Variants in SRPK2 observed in about 807,000 individuals in gnomAD.
The protein encoded by SRPK2 is SRSF protein kinase 2.
In SRPK2, 21 loss-of-function variants were observed where a neutral mutation model predicts 90.8. The observed-to-expected ratio is 0.23, with a 90% CI of 0.16 to 0.33. The LOEUF (loss-of-function observed/expected upper bound fraction) is 0.33. Ranked by LOEUF, SRPK2 falls within the 10% of genes least tolerant of loss-of-function variation. The pLI is 1.00. For missense variants in SRPK2, 620 were observed against 869.0 expected (o/e 0.71, Z 3.60); for synonymous variants, 288 against 311.1 (o/e 0.93, Z 0.78).
chr7:105,226,210 C>T (rs566197426), intron 2 of SRPK2, among the ~76,000 whole-genome samples: 11 of 151,730 alleles, frequency 7.2e-5, no homozygotes, highest in Admixed American at 5.9e-4. Context: ...TGATCATATT[C>T]TTCCCAATAA....
At chr7:105,149,427 T>C (rs1584956974) in intron 7 of SRPK2, among the ~76,000 whole-genome samples, 1 of 152,156 alleles carries the variant, frequency 6.6e-6, no homozygotes, top group Non-Finnish European at 1.5e-5. Context: ...CTTCTCCTTA[T>C]TATCACCCTG....
chr7:105,143,334 T>C lies in SRPK2; in HGVS notation c.814-4A>G, dbSNP rs767403887. The C allele has an allele frequency of 4.3e-6, 7 of 1,609,444 alleles. No homozygotes were observed. The highest frequency in any genetic ancestry group is 4.5e-5 in the East Asian group (2 of 44,876). ...TGTTTTTAGATATTTTTCCTATCTA[T>C]GTTAAGGAAAGACCACAGGTCAGTA... is the stretch of plus-strand genomic sequence containing the variant. On this transcript the variant is annotated splice_polypyrimidine_tract_variant and splice_region_variant and intron_variant, in intron 9 of 15. Coordinates refer to ENST00000393651, the MANE Select transcript of SRPK2 (RefSeq NM_182692.3).
intron 8 of SRPK2, 47 bp from the exon 9 acceptor site, chr7:105,145,355 A>G (rs1804445681): frequency 6.9e-7 from 1 of 1,439,192 alleles, no homozygotes; most frequent in Non-Finnish European, 9.6e-7. Context: ...AAACAGACAC[A>G]TGCCTTCATG....
chr7:105,189,799 T>C (rs1794046012), intron 3 of SRPK2: 2 of 152,710 alleles, frequency 1.3e-5, no homozygotes, highest in Non-Finnish European at 2.9e-5. Flanking sequence ...AGGAGTGTGA[T>C]GATGGCATGG....
intron 7 of SRPK2, among the ~76,000 whole-genome samples, chr7:105,147,807 C>T (rs1438362228): frequency 1.3e-5 from 2 of 152,144 alleles, no homozygotes; most frequent in African/African-American, 2.4e-5. Flanking sequence ...ATAATGTTTT[C>T]AAGTTTGACT....
intron 2 of SRPK2, among the ~76,000 whole-genome samples, chr7:105,379,393 T>G (rs1184063041): frequency 6.6e-6 from 1 of 152,138 alleles, no homozygotes; most frequent in East Asian, 1.9e-4. Context: ...ACAAGGGACT[T>G]GAGTATCCTC....
intron 1 of SRPK2, among the ~76,000 whole-genome samples, chr7:105,398,381 C>CA (rs1822386217): frequency 7.4e-6 from 1 of 135,092 alleles, no homozygotes; most frequent in Non-Finnish European, 1.6e-5. Flanking sequence ...ACCCAGCCTC[C>CA]TTTTTTTTTT....
chr7:105,285,985 C>T (rs1808050609), intron 2 of SRPK2, among the ~76,000 whole-genome samples: 1 of 152,198 alleles, frequency 6.6e-6, no homozygotes, highest in Non-Finnish European at 1.5e-5. Flanking sequence ...ATTTGCTTTA[C>T]ATATAATAAT....
At chr7:105,370,685 G>A (rs1819597131) in intron 2 of SRPK2, among the ~76,000 whole-genome samples, 1 of 141,484 alleles carries the variant, frequency 7.1e-6, no homozygotes, top group African/African-American at 2.6e-5. Flanking sequence ...GCACCATCTC[G>A]GCTCACTGCA....
intron 2 of SRPK2, chr7:105,206,556 G>C (rs958588100): frequency 1.3e-5 from 2 of 155,208 alleles, no homozygotes; most frequent in African/African-American, 4.8e-5. Flanking sequence ...GGTAAGTCAG[G>C]ATACCCCAAA....
chr7:105,366,351 G>C (rs1356916073), intron 2 of SRPK2, among the ~76,000 whole-genome samples: 1 of 145,310 alleles, frequency 6.9e-6, no homozygotes, highest in Admixed American at 7.1e-5. Flanking sequence ...AATTGTATTA[G>C]CATCTACAGG....
At chr7:105,357,725 C>G (rs1563281478) in intron 2 of SRPK2, among the ~76,000 whole-genome samples, 1 of 150,506 alleles carries the variant, frequency 6.6e-6, no homozygotes, top group Non-Finnish European at 1.5e-5. Flanking sequence ...GCCTGGGCAA[C>G]AAGAGCAAGA....
chr7:105,125,312 A>G (rs756946146), intron 15 of SRPK2, among the ~76,000 whole-genome samples: 1 of 152,122 alleles, frequency 6.6e-6, no homozygotes, highest in Non-Finnish European at 1.5e-5. Context: ...GCATAACACA[A>G]TGGGAATGTA....
At chr7:105,213,352 G>A (rs1193520726) in intron 2 of SRPK2, among the ~76,000 whole-genome samples, 1 of 152,134 alleles carries the variant, frequency 6.6e-6, no homozygotes, top group Admixed American at 6.5e-5. Flanking sequence ...GAAAAGTAAA[G>A]GTTTGAGCTG....
intron 2 of SRPK2, among the ~76,000 whole-genome samples, chr7:105,375,833 A>C (rs1266101858): frequency 6.6e-6 from 1 of 151,964 alleles, no homozygotes. Context: ...CGGTATGGAG[A>C]AGCTCACCAT....
At chr7:105,271,838 G>A (rs1805873268) in intron 2 of SRPK2, among the ~76,000 whole-genome samples, 1 of 152,026 alleles carries the variant, frequency 6.6e-6, no homozygotes, top group Non-Finnish European at 1.5e-5. Context: ...GTAGTATCTG[G>A]GACCCTATAT....
chr7:105,179,756 C>CCATCTCAAA, intron 3 of SRPK2, among the ~76,000 whole-genome samples: 1 of 130,882 alleles, frequency 7.6e-6, no homozygotes, highest in African/African-American at 3.0e-5. Flanking sequence ...ACCCAGGAGG[C>CCATCTCAAA]AGAGGTTGCA....
At chr7:105,285,630 T>C (rs1207585179) in intron 2 of SRPK2, among the ~76,000 whole-genome samples, 4 of 152,114 alleles carry the variant, frequency 2.6e-5, no homozygotes, top group Non-Finnish European at 4.4e-5. Context: ...TGGCTTAGCA[T>C]TGTTCCCTTG....
chr7:105,366,066 G>T (rs1389008004), intron 2 of SRPK2, among the ~76,000 whole-genome samples: 1 of 152,026 alleles, frequency 6.6e-6, no homozygotes, highest in Non-Finnish European at 1.5e-5. Flanking sequence ...TGTTGGACAG[G>T]ATAGTCTTGA....
Sources: allele counts gnomAD v4.1 joint callset (sites outside exome capture counted in the v4.1 genomes callset), GRCh38; gene constraint gnomAD v4.1.1; transcripts MANE v1.5; gene names NCBI Gene and HGNC (gene_info 2026-07-23, HGNC 2026-07-21).